CCDC171: variants seen among roughly 807,000 people sequenced by gnomAD.
CCDC171 encodes coiled-coil domain containing 171.
A neutral mutation model predicts 168.2 loss-of-function variants in CCDC171; 177 were observed. The observed-to-expected ratio is 1.05, with a 90% CI of 0.93 to 1.19. The LOEUF (loss-of-function observed/expected upper bound fraction) is 1.19, where lower values mean the gene tolerates loss of function less well. CCDC171 is among the 50% of genes most tolerant of loss of function. CCDC171 has a pLI of 0.00. For missense variants in CCDC171, 1,991 were observed against 1,539.0 expected (o/e 1.29, Z -4.91); for synonymous variants, 687 against 540.8 (o/e 1.27, Z -3.75).
At chr9:15,773,303 A>G (rs2057110901) in intron 18 of CCDC171, among the ~76,000 whole-genome samples, 1 of 152,196 alleles carries the variant, frequency 6.6e-6, no homozygotes, top group Non-Finnish European at 1.5e-5. Context: ...CAAAATGCAC[A>G]ATGGTTACTG....
At chr9:15,822,039 A>G (rs2059796518) in intron 21 of CCDC171, among the ~76,000 whole-genome samples, 1 of 152,206 alleles carries the variant, frequency 6.6e-6, no homozygotes, top group Non-Finnish European at 1.5e-5. Flanking sequence ...CATATCTACA[A>G]CTATCTGATC....
intron 6 of CCDC171, among the ~76,000 whole-genome samples, chr9:15,600,563 A>G (rs912822935): frequency 6.6e-6 from 1 of 152,040 alleles, no homozygotes; most frequent in Non-Finnish European, 1.5e-5. Context: ...GGTGCCTCCC[A>G]GTTAGGCTAC....
intron 14 of CCDC171, among the ~76,000 whole-genome samples, chr9:15,727,401 C>T (rs2053876315): frequency 6.6e-6 from 1 of 152,138 alleles, no homozygotes. Flanking sequence ...AACTTTTTTT[C>T]ATCAGAGTTG....
At chr9:15,599,430 A>G (rs1349342425) in intron 6 of CCDC171, among the ~76,000 whole-genome samples, 1 of 152,098 alleles carries the variant, frequency 6.6e-6, no homozygotes, top group Non-Finnish European at 1.5e-5. Flanking sequence ...CTGGATATGA[A>G]ATTCTGGGTT....
chr9:15,907,079 T>C (rs1274431195), intron 24 of CCDC171, among the ~76,000 whole-genome samples: 2 of 152,272 alleles, frequency 1.3e-5, no homozygotes, highest in South Asian at 2.1e-4. Context: ...TGGCCATACT[T>C]TCCAAGGTAA....
chr9:16,036,756 G>A (rs1323673083), intron 8 of CCDC171, among the ~76,000 whole-genome samples: 1 of 152,224 alleles, frequency 6.6e-6, no homozygotes, highest in Non-Finnish European at 1.5e-5. Context: ...ACTTGGGTTT[G>A]AGGTTTGAAT....
intron 1 of CCDC171, among the ~76,000 whole-genome samples, chr9:15,560,814 G>C (rs1341650924): frequency 6.6e-6 from 1 of 151,086 alleles, no homozygotes; most frequent in African/African-American, 2.4e-5. Flanking sequence ...GAGGCGCTCT[G>C]ATTTTTAGAA....
At chr9:15,609,356 G>T (rs1401469940) in intron 6 of CCDC171, among the ~76,000 whole-genome samples, 4 of 152,064 alleles carry the variant, frequency 2.6e-5, no homozygotes, top group Non-Finnish European at 4.4e-5. Context: ...TGATCCACCC[G>T]CCTTGGCCTC....
rs568587640 is a variant in CCDC171 at position 15,908,045 on chromosome 9, AC to A, written c.3601-12224del. On this transcript the variant is annotated intron_variant, in intron 24 of 25. Transcript: ENST00000380701. ...GATGTGGAGAAATAGGAACACTTTT[AC>A]ACTGTTGGTGGGACTGTAAACTAGT... Among the ~76,000 whole-genome samples the A allele has an allele frequency of 6.3e-3, 963 of 151,924 alleles. 12 individuals carry two copies. The highest frequency in any genetic ancestry group is 0.027 in the Middle Eastern group (8 of 292).
At chr9:15,855,849 T>C (rs528362415) in intron 23 of CCDC171, among the ~76,000 whole-genome samples, 1 of 152,074 alleles carries the variant, frequency 6.6e-6, no homozygotes, top group South Asian at 2.1e-4. Context: ...CTTCATGTTG[T>C]TACAAATTAC....
chr9:15,657,308 G>T, intron 8 of CCDC171, 89 bp downstream of exon 8: 1 of 725,142 alleles, frequency 1.4e-6, no homozygotes, highest in Non-Finnish European at 2.4e-6. Flanking sequence ...GAGAACGAAG[G>T]TGTGCATTGA....
At chr9:15,677,867 G>A (rs10962117) in intron 9 of CCDC171, among the ~76,000 whole-genome samples, 230 of 48,526 alleles carry the variant, frequency 4.7e-3, no homozygotes, top group South Asian at 0.01. Context: ...ATATATATAT[G>A]TGTGTGTGTG....
chr9:15,901,991 A>T (rs1331511005), intron 24 of CCDC171, among the ~76,000 whole-genome samples: 3 of 152,188 alleles, frequency 2.0e-5, no homozygotes, highest in Non-Finnish European at 2.9e-5. Flanking sequence ...TGTAAGAATT[A>T]TGCAATTTTC....
At chr9:15,697,472 T>G (rs576917121) in intron 11 of CCDC171, among the ~76,000 whole-genome samples, 1 of 152,214 alleles carries the variant, frequency 6.6e-6, no homozygotes, top group Non-Finnish European at 1.5e-5. Context: ...ACATAACTCC[T>G]TGGGATCTGG....
chr9:15,790,392 T>A (rs529108822), intron 21 of CCDC171, among the ~76,000 whole-genome samples: 10 of 152,374 alleles, frequency 6.6e-5, no homozygotes, highest in African/African-American at 2.4e-4. Context: ...CATAAATGTC[T>A]TCTTTTGAGA....
chr9:15,625,516 G>C (rs528005696), intron 7 of CCDC171, among the ~76,000 whole-genome samples: 44 of 152,292 alleles, frequency 2.9e-4, no homozygotes, highest in African/African-American at 1.0e-3. Flanking sequence ...AAGGGATCCA[G>C]TTTCAGCTTT....
intron 6 of CCDC171, among the ~76,000 whole-genome samples, chr9:15,600,119 G>C (rs1468297680): frequency 6.6e-6 from 1 of 152,104 alleles, no homozygotes; most frequent in Admixed American, 6.5e-5. Context: ...TTGATTGTCT[G>C]AAGCCTTCTT....
At chr9:15,790,366 A>G (rs1459027229) in intron 21 of CCDC171, among the ~76,000 whole-genome samples, 1 of 152,072 alleles carries the variant, frequency 6.6e-6, no homozygotes, top group South Asian at 2.1e-4. Flanking sequence ...GCATTTTTTC[A>G]TGTGTCTGTT....
At chr9:15,983,057 C>T (rs964680548) in intron 3 of CCDC171, among the ~76,000 whole-genome samples, 3 of 152,168 alleles carry the variant, frequency 2.0e-5, no homozygotes, top group African/African-American at 7.2e-5. Flanking sequence ...CAGCACTTAA[C>T]TATGGACTTG....
Sources: allele counts gnomAD v4.1 joint callset (sites outside exome capture counted in the v4.1 genomes callset), GRCh38; gene constraint gnomAD v4.1.1; transcripts MANE v1.5; gene names NCBI Gene and HGNC (gene_info 2026-07-23, HGNC 2026-07-21).